Variants in ANO1 observed in about 807,000 individuals in gnomAD.
The protein encoded by ANO1 is anoctamin 1, also known as anoctamin-1.
A neutral mutation model predicts 124.0 loss-of-function variants in ANO1; 59 were observed. The observed-to-expected ratio is 0.48, with a 90% CI of 0.39 to 0.59. The LOEUF (loss-of-function observed/expected upper bound fraction) is 0.59, where lower values mean the gene tolerates loss of function less well. ANO1 is among the 20% of genes least tolerant of loss of function. ANO1 has a pLI of 0.00. For synonymous variants in ANO1, 529 were observed against 532.0 expected (o/e 0.99, Z 0.08); for missense variants, 1,059 against 1,328.0 (o/e 0.80, Z 3.15).
At chr11:69,991,046 G>A (rs1856144450) in intron 1 of ANO1, among the ~76,000 whole-genome samples, 1 of 152,128 alleles carries the variant, frequency 6.6e-6, no homozygotes, top group African/African-American at 2.4e-5. Flanking sequence ...CCAAATTCAA[G>A]GTTGCAATGA....
intron 11 of ANO1, among the ~76,000 whole-genome samples, chr11:70,139,272 T>C (rs1190708036): frequency 6.6e-6 from 1 of 152,214 alleles, no homozygotes; most frequent in Non-Finnish European, 1.5e-5. Flanking sequence ...TTCTCCTGCC[T>C]CAGCCTCCCG....
chr11:70,020,611 A>G (rs1856785633), intron 1 of ANO1, among the ~76,000 whole-genome samples: 1 of 152,014 alleles, frequency 6.6e-6, no homozygotes, highest in African/African-American at 2.4e-5. Flanking sequence ...AACCCCAAGA[A>G]CACACTCCAC....
At chr11:70,133,489 C>T (rs1027140875) in intron 11 of ANO1, among the ~76,000 whole-genome samples, 1 of 152,210 alleles carries the variant, frequency 6.6e-6, no homozygotes, top group African/African-American at 2.4e-5. Context: ...CTGGCCTGCA[C>T]AGAAGCACCC....
intron 11 of ANO1, chr11:70,149,483 T>C: frequency 2.1e-6 from 1 of 487,564 alleles, no homozygotes; most frequent in Non-Finnish European, 3.7e-6. Context: ...AAACCCTGTC[T>C]CTACTAAAAA....
At position 70,026,846 on chromosome 11, in the gene ANO1, C is replaced by T. The variant is rs186702927; in HGVS notation, c.58+40680C>T. Among the ~76,000 whole-genome samples the T allele has an allele frequency of 8.8e-4, 134 of 152,284 alleles. 2 individuals are homozygous for T. In the Middle Eastern group the frequency reaches 0.02, roughly 23 times the overall value. On this transcript the variant is annotated intron_variant, in intron 1 of 27. Coordinates refer to the ANO1 transcript ENST00000531349. ...ACTGTGCTGACCTCACATCCCAGGG[C>T]GTTTGCCTTTCACTCACCACCACCC...
chr11:69,991,991 G>A (rs982596743), intron 1 of ANO1, among the ~76,000 whole-genome samples: 22 of 152,206 alleles, frequency 1.4e-4, no homozygotes, highest in African/African-American at 5.3e-4. Flanking sequence ...GCAGCAGCTT[G>A]GGTCTCAGTT....
At chr11:70,144,118 C>T (rs960389853) in intron 11 of ANO1, among the ~76,000 whole-genome samples, 3 of 152,014 alleles carry the variant, frequency 2.0e-5, no homozygotes, top group Non-Finnish European at 2.9e-5. Context: ...TAAAAATTTA[C>T]CATAAATATT....
intron 21 of ANO1, among the ~76,000 whole-genome samples, chr11:70,167,595 G>A (rs1456620169): frequency 6.6e-6 from 1 of 152,110 alleles, no homozygotes; most frequent in Non-Finnish European, 1.5e-5. Flanking sequence ...GGCTGCTCTG[G>A]ATGGAGTCCT....
At chr11:70,061,103 C>A (rs971921233) in intron 1 of ANO1, among the ~76,000 whole-genome samples, 1 of 151,914 alleles carries the variant, frequency 6.6e-6, no homozygotes, top group Admixed American at 6.6e-5. Flanking sequence ...ATTAACTGAA[C>A]GTGCAGGAAG....
chr11:70,068,018 C>T (rs556723607), intron 1 of ANO1, among the ~76,000 whole-genome samples: 1 of 152,338 alleles, frequency 6.6e-6, no homozygotes, highest in Non-Finnish European at 1.5e-5. Context: ...AGGCTGATTG[C>T]CCCTGTGGAG....
upstream of ANO1, among the ~76,000 whole-genome samples, chr11:69,980,977 G>A (rs568597689): frequency 3.9e-5 from 6 of 152,118 alleles, no homozygotes; most frequent in South Asian, 2.1e-4. Context: ...GCTTGAACCC[G>A]GGAGGTGGAG....
the ANO1 span, among the ~76,000 whole-genome samples, chr11:69,969,720 G>A: frequency 5.3e-5 from 8 of 152,228 alleles, no homozygotes; most frequent in Middle Eastern, 3.4e-3. Flanking sequence ...AGGCCGAGGC[G>A]GGTGGATCAC....
intron 12 of ANO1, among the ~76,000 whole-genome samples, chr11:70,151,250 C>T (rs779146580): frequency 8.2e-4 from 125 of 152,370 alleles, no homozygotes; most frequent in Non-Finnish European, 1.6e-3. Context: ...CACTGGGCGA[C>T]ACCTTTATCT....
intron 22 of ANO1, among the ~76,000 whole-genome samples, chr11:70,173,232 T>A (rs1470873710): frequency 2.0e-5 from 3 of 152,210 alleles, no homozygotes; most frequent in Non-Finnish European, 4.4e-5. Context: ...TTGCACTGCG[T>A]AAGGCCCTGG....
At chr11:70,074,234 C>T (rs564316674), upstream of ANO1, among the ~76,000 whole-genome samples, 12 of 152,196 alleles carry the variant, frequency 7.9e-5, no homozygotes, top group Middle Eastern at 3.4e-3. Flanking sequence ...CCTTTCCCTC[C>T]CCTGGGCTGC....
intron 6 of ANO1, chr11:70,111,188 T>C (rs1441906873): frequency 2.2e-6 from 1 of 457,808 alleles, no homozygotes; most frequent in South Asian, 1.5e-5. Flanking sequence ...ATGTGGGAAG[T>C]ATGGTAAGTG....
chr11:70,016,843 A>G (rs1440355180), intron 1 of ANO1, among the ~76,000 whole-genome samples: 1 of 152,184 alleles, frequency 6.6e-6, no homozygotes. Flanking sequence ...TTCTACCAAG[A>G]TCTGTGACTA....
chr11:70,104,922 A>G (rs1365437185), intron 4 of ANO1, among the ~76,000 whole-genome samples: 1 of 152,142 alleles, frequency 6.6e-6, no homozygotes, highest in African/African-American at 2.4e-5. Flanking sequence ...GGGTGGAGCC[A>G]TGAGCATCAC....
intron 11 of ANO1, among the ~76,000 whole-genome samples, chr11:70,134,273 A>C (rs1159369260): frequency 6.6e-6 from 1 of 152,164 alleles, no homozygotes; most frequent in East Asian, 1.9e-4. Context: ...ACAGTATTTC[A>C]GGTGGTCCAT....
Sources: gnomAD v4.1 joint callset for allele counts (sites outside exome capture counted in the v4.1 genomes callset) on GRCh38, gnomAD v4.1.1 for gene constraint, MANE v1.5 for transcripts, NCBI Gene and HGNC (gene_info 2026-07-23, HGNC 2026-07-21) for gene names.